AGBL4: variants seen among roughly 807,000 people sequenced by gnomAD.
AGBL4 encodes the protein AGBL carboxypeptidase 4, also known as cytosolic carboxypeptidase 6.
Under a neutral mutation model 66.4 loss-of-function variants are expected in AGBL4, and 58 were observed. The observed-to-expected ratio is 0.87, with a 90% CI of 0.71 to 1.09. The LOEUF is 1.09. Among genes scored for constraint, AGBL4 ranks in the 50% least tolerant of loss-of-function variants. AGBL4 has a pLI of 0.00. For missense variants in AGBL4, 579 were observed against 631.0 expected, an observed-to-expected ratio of 0.92 and a Z score of 0.88; for synonymous variants, 234 against 222.9, an observed-to-expected ratio of 1.05 and a Z score of -0.44.
chr1:48,668,544 C>T (rs1360393874), intron 6 of AGBL4, among the ~76,000 whole-genome samples: 1 of 152,134 alleles, frequency 6.6e-6, no homozygotes, highest in Admixed American at 6.5e-5. Context: ...CATGTTCTCC[C>T]ACACCTCCAC....
intron 3 of AGBL4, among the ~76,000 whole-genome samples, chr1:49,349,614 G>A (rs1047857352): frequency 5.3e-5 from 8 of 152,012 alleles, no homozygotes; most frequent in East Asian, 1.9e-4. Flanking sequence ...AACAGAATTC[G>A]AAATCCTAAA....
chr1:49,241,854 A>G (rs1006871331), intron 4 of AGBL4, among the ~76,000 whole-genome samples: 1 of 152,032 alleles, frequency 6.6e-6, no homozygotes, highest in Non-Finnish European at 1.5e-5. Flanking sequence ...GTTTCTTATA[A>G]CAACGCTGGG....
chr1:48,978,817 G>C (rs1158792062), intron 5 of AGBL4, among the ~76,000 whole-genome samples: 1 of 152,074 alleles, frequency 6.6e-6, no homozygotes, highest in African/African-American at 2.4e-5. Flanking sequence ...CACTCGACAA[G>C]GCAATGGCTA....
chr1:49,839,530 A>G (rs1460103971), intron 2 of AGBL4, among the ~76,000 whole-genome samples: 1 of 152,224 alleles, frequency 6.6e-6, no homozygotes, highest in Non-Finnish European at 1.5e-5. Flanking sequence ...GAGGTCATCA[A>G]ATGAAAGCAT....
intron 11 of AGBL4, among the ~76,000 whole-genome samples, chr1:48,582,595 G>GGGGCT (rs1402639747): frequency 6.6e-6 from 1 of 152,186 alleles, no homozygotes; most frequent in Non-Finnish European, 1.5e-5. Flanking sequence ...TAGTCTGCAT[G>GGGGCT]GGGCTGAGAC....
intron 1 of AGBL4, among the ~76,000 whole-genome samples, chr1:49,924,957 C>A (rs1439031204): frequency 1.3e-5 from 2 of 152,138 alleles, no homozygotes; most frequent in Non-Finnish European, 2.9e-5. Flanking sequence ...GCTGTCTAGG[C>A]CACAAGGATG....
At chr1:49,096,749 G>T (rs1332145036) in intron 4 of AGBL4, among the ~76,000 whole-genome samples, 4 of 150,980 alleles carry the variant, frequency 2.6e-5, no homozygotes, top group Non-Finnish European at 5.9e-5. Context: ...AAATGACGAG[G>T]TAATGGGTGC....
intron 3 of AGBL4, among the ~76,000 whole-genome samples, chr1:49,378,121 C>T (rs950516318): frequency 2.6e-5 from 4 of 152,004 alleles, no homozygotes; most frequent in African/African-American, 7.2e-5. Flanking sequence ...GAGAATTTCA[C>T]GACAACATTG....
chr1:49,614,081 C>T (rs1368125242), intron 3 of AGBL4, among the ~76,000 whole-genome samples: 1 of 152,084 alleles, frequency 6.6e-6, no homozygotes, highest in Non-Finnish European at 1.5e-5. Flanking sequence ...TAAAATACAT[C>T]ATATATGCAT....
chr1:48,961,677 C>T (rs1278113527), intron 5 of AGBL4, among the ~76,000 whole-genome samples: 10 of 152,158 alleles, frequency 6.6e-5, no homozygotes, highest in African/African-American at 2.4e-4. Context: ...TTGGGAAGCC[C>T]AGGACTAGGC....
At chr1:48,711,143 G>T (rs1207158548) in intron 6 of AGBL4, among the ~76,000 whole-genome samples, 1 of 152,176 alleles carries the variant, frequency 6.6e-6, no homozygotes, top group Non-Finnish European at 1.5e-5. Flanking sequence ...CTCCAGCCCA[G>T]CCCATGGTCA....
intron 6 of AGBL4, among the ~76,000 whole-genome samples, chr1:48,719,917 C>T (rs1402472430): frequency 6.6e-6 from 1 of 152,096 alleles, no homozygotes; most frequent in Non-Finnish European, 1.5e-5. Flanking sequence ...TAACTATGGC[C>T]AAATCCTTTA....
At chr1:49,355,196 G>C (rs1158906984) in intron 3 of AGBL4, among the ~76,000 whole-genome samples, 1 of 152,114 alleles carries the variant, frequency 6.6e-6, no homozygotes, top group Non-Finnish European at 1.5e-5. Flanking sequence ...CTACTTAATT[G>C]AAATTTCATC....
At chr1:49,646,279 T>C (rs776775690) in intron 3 of AGBL4, among the ~76,000 whole-genome samples, 4 of 151,954 alleles carry the variant, frequency 2.6e-5, no homozygotes, top group Admixed American at 6.6e-5. Context: ...TGAATGTCTA[T>C]ACAGAAAATT....
At chr1:49,650,332 C>G (rs1363995023) in intron 3 of AGBL4, among the ~76,000 whole-genome samples, 1 of 152,178 alleles carries the variant, frequency 6.6e-6, no homozygotes, top group Non-Finnish European at 1.5e-5. Flanking sequence ...TGAAGTCCCA[C>G]AGAAAGGGTA....
At chr1:49,238,521 C>A (rs1489436354) in intron 4 of AGBL4, among the ~76,000 whole-genome samples, 5 of 152,072 alleles carry the variant, frequency 3.3e-5, no homozygotes, top group African/African-American at 1.2e-4. Flanking sequence ...TCTGACACCA[C>A]GAAGAGGAAG....
intron 3 of AGBL4, among the ~76,000 whole-genome samples, chr1:49,285,078 C>G (rs191445437): frequency 0.02 from 2,977 of 152,146 alleles, 108 homozygotes; most frequent in African/African-American, 0.069. Context: ...ACATTTTTTT[C>G]AGCACACCAC....
chr1:49,271,800 C>T (rs1356272126), intron 3 of AGBL4, among the ~76,000 whole-genome samples: 1 of 152,082 alleles, frequency 6.6e-6, no homozygotes, highest in African/African-American at 2.4e-5. Flanking sequence ...AAAAAGGTAC[C>T]CCTTCACCCC....
At position 49,208,789 on chromosome 1, in the gene AGBL4, G is replaced by A. The variant is rs143135894; in HGVS notation, c.377+36981C>T. 7.2e-5 allele frequency among the ~76,000 whole-genome samples: 11 copies of A among 152,100 alleles called. No homozygotes were observed. In the East Asian group the frequency reaches 2.1e-3, roughly 29 times the overall value. ...TTGTTCCAAAGAAACCCAGAACAGG[G>A]CCGTGCCTGACTTGGCTTCCAAGGA... On this transcript the variant is annotated intron_variant, in intron 4 of 13. Coordinates refer to ENST00000371839, the MANE Select transcript of AGBL4 (RefSeq NM_032785.4).
Sources: gnomAD v4.1 joint callset for allele counts (sites outside exome capture counted in the v4.1 genomes callset) on GRCh38, gnomAD v4.1.1 for gene constraint, MANE v1.5 for transcripts, NCBI Gene and HGNC (gene_info 2026-07-23, HGNC 2026-07-21) for gene names.